MARK2: variants seen among roughly 807,000 people sequenced by gnomAD.
MARK2 encodes the protein serine/threonine-protein kinase MARK2.
MARK2 carries 16 observed loss-of-function variants against 89.8 expected under a neutral mutation model. The ratio of observed to expected loss-of-function variants is 0.18; its 90% confidence interval spans 0.12 to 0.27. MARK2 has a LOEUF of 0.27. Among genes scored for constraint, MARK2 ranks in the 10% least tolerant of loss-of-function variants. The pLI is 1.00. For missense variants in MARK2, 621 were observed against 1,049.9 expected (o/e 0.59, Z 5.65); for synonymous variants, 382 against 399.5 (o/e 0.96, Z 0.52).
At chr11:63,895,862 G>A (rs990007444) in intron 3 of MARK2, among the ~76,000 whole-genome samples, 1 of 151,858 alleles carries the variant, frequency 6.6e-6, no homozygotes, top group Non-Finnish European at 1.5e-5. Flanking sequence ...TAGAGATGGG[G>A]TTTCACCATG....
At chr11:63,905,105 TGGGTTGG>T (rs1213643298) in intron 16 of MARK2, 62 bp downstream of exon 16, 4 of 425,228 alleles carry the variant, frequency 9.4e-6, no homozygotes, top group African/African-American at 2.6e-5. Context: ...TTACTCGGGG[TGGGTTGG>T]GGGTTGGGGG....
chr11:63,863,473 C>CT (rs1213476999), intron 1 of MARK2, among the ~76,000 whole-genome samples: 10 of 128,108 alleles, frequency 7.8e-5, no homozygotes, highest in Non-Finnish European at 1.3e-4. Context: ...CACCCCCCCA[C>CT]TTTTTTTTTG....
At chr11:63,848,479 A>G (rs1387629405) in intron 1 of MARK2, among the ~76,000 whole-genome samples, 3 of 150,800 alleles carry the variant, frequency 2.0e-5, no homozygotes, top group Non-Finnish European at 4.4e-5. Context: ...TCCGCTTCCC[A>G]GGTTCAAGCA....
chr11:63,889,215 G>C (rs1939623590), intron 1 of MARK2, among the ~76,000 whole-genome samples: 1 of 152,172 alleles, frequency 6.6e-6, no homozygotes, highest in Admixed American at 6.5e-5. Flanking sequence ...GGAGGCAGAG[G>C]CCTGAGGCCT....
chr11:63,908,346 G>C, intron 18 of MARK2, 42 bp downstream of exon 18: 3 of 1,521,924 alleles, frequency 2.0e-6, no homozygotes, highest in Non-Finnish European at 2.7e-6. Context: ...CCGGGCCACC[G>C]GGCTTGCCAC....
In MARK2 at chr11:63,888,756, G is replaced by A. The variant is rs561453957; in HGVS notation, c.55-6403G>A. The A allele has an allele frequency of 6.2e-5, 75 of 1,213,808 alleles. No individual in the cohort carries two copies. The South Asian group carries it at 8.9e-4, about 14-fold the overall frequency. 75.2% of individuals were successfully genotyped at this position (1,213,808 alleles called of 1,614,324 possible). A position where few individuals can be genotyped will look rare whatever the true frequency, so the allele number is the denominator to read the frequency against. ...CCAGGTTCCCAGGCAGGAACCGCTC[G>A]GCCTGGCTGCTTAGCTACTTTTCAC... On this transcript the variant is annotated intron_variant, in intron 1 of 18. Coordinates refer to ENST00000402010, the MANE Select transcript of MARK2 (RefSeq NM_001039469.3).
At position 63,906,133 on chromosome 11, in the gene MARK2, G is replaced by C. The variant is rs1590710031; in HGVS notation, c.1961+19G>C. 5.2e-6 allele frequency: 1 copy of C among 193,008 alleles called. No individual in the cohort carries two copies. Among genetic ancestry groups the C allele is most frequent in the South Asian group, 1.3e-4 (1 of 7,462 alleles). The allele number at this position is 193,008 out of a possible 1,614,324, so 12.0% of individuals were successfully genotyped here. A position where few individuals can be genotyped will look rare whatever the true frequency, so the allele number is the denominator to read the frequency against. ...CCAGAAGGTAGGCGTTGAGCCCGCT[G>C]TGTGTGTGTGTGTGTGTGTGTGTCT... On this transcript the variant is annotated intron_variant, in intron 17 of 18. Coordinates refer to ENST00000402010, the MANE Select transcript of MARK2 (RefSeq NM_001039469.3).
At chr11:63,868,877 A>G (rs778223424) in intron 1 of MARK2, 1 of 455,974 alleles carries the variant, frequency 2.2e-6, no homozygotes, top group South Asian at 1.5e-5. Flanking sequence ...CACGGGAAGA[A>G]CTGATTTCAC....
chr11:63,874,609 C>A (rs1938633345), intron 1 of MARK2, among the ~76,000 whole-genome samples: 1 of 152,166 alleles, frequency 6.6e-6, no homozygotes, highest in African/African-American at 2.4e-5. Flanking sequence ...CAAAAAATTT[C>A]TTGGCGGGAG....
chr11:63,860,623 C>T (rs915794690), intron 1 of MARK2, among the ~76,000 whole-genome samples: 3 of 151,642 alleles, frequency 2.0e-5, no homozygotes, highest in African/African-American at 4.8e-5. Context: ...CTTTGGGAGG[C>T]CAGGGCGGGT....
chr11:63,892,815 C>A (rs571559777), intron 1 of MARK2, among the ~76,000 whole-genome samples: 12 of 149,288 alleles, frequency 8.0e-5, no homozygotes, highest in Non-Finnish European at 1.8e-4. Flanking sequence ...CAGCCTCGAA[C>A]TCCTCCTGGG....
rs543837318 is a variant in MARK2, at chr11:63,863,378, G to A, written c.54+23818G>A. 1.1e-3 allele frequency among the ~76,000 whole-genome samples: 167 copies of A among 152,012 alleles called. 1 individual carries two copies. The highest frequency in any genetic ancestry group is 3.7e-3 in the African/African-American group (152 of 41,440). ...TTAATTTACTTGCTTGTCTAACTTC[G>A]GCAAGGGTGCCTTTTATTTTAAGAT... On this transcript the variant is annotated intron_variant, in intron 1 of 18. Coordinates refer to ENST00000402010, the MANE Select transcript of MARK2 (RefSeq NM_001039469.3).
Position 63,858,040 on chromosome 11 carries a change from T to A in MARK2, c.54+18480T>A, listed in dbSNP as rs117815538. Among the ~76,000 whole-genome samples, 656 of 151,832 alleles carry A rather than the reference T, an allele frequency of 4.3e-3. 4 individuals are homozygous for A. The highest frequency in any genetic ancestry group is 7.2e-3 in the Non-Finnish European group (490 of 67,934). ...CATCGTTATTATTGTTTTGTTTTGT[T>A]TTTTGAGATGGAGTTTTGCTTTGTC... On this transcript the variant is annotated intron_variant, in intron 1 of 18. Coordinates refer to ENST00000402010, the MANE Select transcript of MARK2 (RefSeq NM_001039469.3).
chr11:63,899,009 A>G, intron 6 of MARK2, 43 bp from the exon 7 acceptor site: 1 of 1,448,206 alleles, frequency 6.9e-7, no homozygotes, highest in Non-Finnish European at 9.7e-7. Flanking sequence ...CCTGTGGCCC[A>G]CCCTCAGGCA....
At chr11:63,840,204 C>T (rs922066670) in intron 1 of MARK2, among the ~76,000 whole-genome samples, 2 of 152,150 alleles carry the variant, frequency 1.3e-5, no homozygotes, top group African/African-American at 2.4e-5. Flanking sequence ...CATCACTTTC[C>T]CTTCTTTGCT....
chr11:63,906,433 C>T (rs922495448), intron 17 of MARK2, among the ~76,000 whole-genome samples: 1 of 152,186 alleles, frequency 6.6e-6, no homozygotes, highest in Non-Finnish European at 1.5e-5. Context: ...TAAGGGGAGA[C>T]TGTCTCAGGG....
Position 63,908,259 on chromosome 11 carries a change from GGAACCTGAAT to G in MARK2, c.1971_1980del (p.Asn657LysfsTer40). The G allele has an allele frequency of 6.4e-7, 1 of 1,561,872 alleles. No individual in the cohort carries two copies. The highest frequency in any genetic ancestry group is 8.7e-7 in the Non-Finnish European group (1 of 1,152,204). On this transcript the variant is annotated frameshift_variant and splice_region_variant, in exon 18 of 19. Transcript: ENST00000402010. LOFTEE classifies it high-confidence loss of function. ...AACTCTCCCTCGCTCTGTTTTTTGA[GGAACCTGAAT>G]GAACCTGAAAGCAAAGACCGAGTGG...
chr11:63,901,760 T>C (rs898090829), intron 11 of MARK2, among the ~76,000 whole-genome samples: 4 of 151,908 alleles, frequency 2.6e-5, no homozygotes, highest in African/African-American at 7.3e-5. Flanking sequence ...CTGGAGACTT[T>C]GTGATTGTTC....
At chr11:63,847,819 C>T (rs2016357461) in intron 1 of MARK2, among the ~76,000 whole-genome samples, 1 of 152,188 alleles carries the variant, frequency 6.6e-6, no homozygotes, top group Non-Finnish European at 1.5e-5. Context: ...GAAAGACCCT[C>T]AGCCTAGCCA....
Sources: allele counts gnomAD v4.1 joint callset (sites outside exome capture counted in the v4.1 genomes callset), GRCh38; gene constraint gnomAD v4.1.1; transcripts MANE v1.5; gene names NCBI Gene and HGNC (gene_info 2026-07-23, HGNC 2026-07-21).